ACVR1: variants seen among roughly 807,000 people sequenced by gnomAD.
ACVR1 encodes the protein activin receptor type-1.
ACVR1 carries 38 observed loss-of-function variants against 57.1 expected under a neutral mutation model. That is an observed-to-expected ratio of 0.67 (90% CI 0.51 to 0.87). The LOEUF (loss-of-function observed/expected upper bound fraction) is 0.87, where lower values mean the gene tolerates loss of function less well. Among genes scored for constraint, ACVR1 ranks in the 40% least tolerant of loss-of-function variants. ACVR1 has a pLI of 0.00. For missense variants in ACVR1, 463 were observed against 638.2 expected, an observed-to-expected ratio of 0.73 and a Z score of 2.96; for synonymous variants, 212 against 228.1, an observed-to-expected ratio of 0.93 and a Z score of 0.63.
At chr2:157,764,634 G>A (rs1322106406) in intron 8 of ACVR1, among the ~76,000 whole-genome samples, 1 of 152,158 alleles carries the variant, frequency 6.6e-6, no homozygotes, top group Admixed American at 6.5e-5. Flanking sequence ...GTCTCACTGA[G>A]TGAAAGCAGT....
At chr2:157,867,299 C>G (rs1165507807) in intron 1 of ACVR1, among the ~76,000 whole-genome samples, 1 of 152,234 alleles carries the variant, frequency 6.6e-6, no homozygotes, top group Non-Finnish European at 1.5e-5. Flanking sequence ...TCATTTCCTC[C>G]TGGCTTCTGG....
At chr2:157,853,337 C>G (rs1689390954) in intron 1 of ACVR1, among the ~76,000 whole-genome samples, 1 of 152,142 alleles carries the variant, frequency 6.6e-6, no homozygotes, top group Non-Finnish European at 1.5e-5. Context: ...ACAGGGGCAG[C>G]CTTCTTGCTG....
chr2:157,817,151 C>T (rs532712321), intron 2 of ACVR1, among the ~76,000 whole-genome samples: 50 of 151,916 alleles, frequency 3.3e-4, no homozygotes, highest in African/African-American at 1.2e-3. Flanking sequence ...TTTGTAGAGA[C>T]GGAGTCTCAC....
In ACVR1 at chr2:157,804,150, G is replaced by A. The variant is rs904092109; in HGVS notation, c.-7-4650C>T. Among the ~76,000 whole-genome samples the A allele has an allele frequency of 3.9e-5, 6 of 152,214 alleles. No homozygotes were observed. In the South Asian group the frequency reaches 8.3e-4, roughly 21 times the overall value. Reference sequence around the variant, plus strand: ...TGAAACCCCTGAGAAAGTCTCAGGCGCCTTTGGAGTTCTTGGACAACACTT... The same window carrying A: ...TGAAACCCCTGAGAAAGTCTCAGGCACCTTTGGAGTTCTTGGACAACACTT... On this transcript the variant is annotated intron_variant, in intron 2 of 10. Coordinates refer to ENST00000434821, the MANE Select transcript of ACVR1 (RefSeq NM_001111067.4).
intron 1 of ACVR1, among the ~76,000 whole-genome samples, chr2:157,867,475 T>C (rs1327043445): frequency 6.6e-6 from 1 of 152,114 alleles, no homozygotes; most frequent in Non-Finnish European, 1.5e-5. Context: ...CCTCAGTGTC[T>C]GGGAGAAAAC....
chr2:157,766,780 A>G (rs1049378940), intron 7 of ACVR1, among the ~76,000 whole-genome samples: 2 of 152,262 alleles, frequency 1.3e-5, no homozygotes, highest in Non-Finnish European at 2.9e-5. Flanking sequence ...TCAGTCACAC[A>G]CAGAAAAACC....
intron 9 of ACVR1, among the ~76,000 whole-genome samples, chr2:157,747,875 G>T (rs953338024): frequency 6.6e-6 from 1 of 151,968 alleles, no homozygotes; most frequent in Admixed American, 6.6e-5. Flanking sequence ...AAATGAGACA[G>T]GAGATACCCT....
chr2:157,816,859 C>T (rs1687956872), intron 2 of ACVR1, among the ~76,000 whole-genome samples: 1 of 152,160 alleles, frequency 6.6e-6, no homozygotes, highest in Admixed American at 6.5e-5. Flanking sequence ...GCACTTCAGG[C>T]TTCCCCTCAC....
chr2:157,737,296 T>C lies in ACVR1; in HGVS notation c.*235A>G. 1.7e-6 allele frequency: 1 copy of C among 586,778 alleles called. No homozygotes were observed. Among genetic ancestry groups the C allele is most frequent in the Non-Finnish European group, 3.1e-6 (1 of 326,196 alleles). 36.3% of individuals were successfully genotyped at this position (586,778 alleles called of 1,614,324 possible). The stretch of plus-strand genomic sequence containing the variant: ...CTTTGCAACAGTGTCTGTCCAACAT[T>C]AGTCTCTGCAGTGTGAACAGTTCGT... On this transcript the variant is annotated 3_prime_UTR_variant, in exon 11 of 11. Coordinates refer to ENST00000434821, the MANE Select transcript of ACVR1 (RefSeq NM_001111067.4).
At position 157,780,462 on chromosome 2, in the gene ACVR1, C is replaced by G; in HGVS notation, c.206G>C (p.Gly69Ala). Residue 69 changes from glycine to alanine, a missense_variant, in exon 4 of 11, where the codon GGC becomes GCC. Gly to Ala is a moderately conservative substitution (Grantham distance 60). Coordinates refer to ENST00000434821, the MANE Select transcript of ACVR1 (RefSeq NM_001111067.4). ...INDGFHVYQK[G>A]CFQVYEQGKM... ...TCCCTGCTCATAAACCTGGAAGCAGCCTTTCTGGTAGACGTGGAAGCCATC... is the reference window on the plus strand; with the variant it reads ...TCCCTGCTCATAAACCTGGAAGCAGGCTTTCTGGTAGACGTGGAAGCCATC... 6.2e-7 allele frequency: 1 copy of G among 1,614,092 alleles called. No individual in the cohort carries two copies. Among genetic ancestry groups the G allele is most frequent in the Non-Finnish European group, 8.5e-7 (1 of 1,180,006 alleles).
chr2:157,737,468 CA>C lies in ACVR1; in HGVS notation c.*62del. ...CCATTCTGACAACCAGTCAGGCCAG[CA>C]TTAGGTCCCAGCTGGACAATGACAA... On this transcript the variant is annotated 3_prime_UTR_variant, in exon 11 of 11. Coordinates refer to ENST00000434821, the MANE Select transcript of ACVR1 (RefSeq NM_001111067.4). The C allele has an allele frequency of 6.3e-7, 1 of 1,596,300 alleles. No individual in the cohort carries two copies. Among genetic ancestry groups the C allele is most frequent in the South Asian group, 1.1e-5 (1 of 89,734 alleles).
chr2:157,825,427 C>G (rs1688309665), intron 1 of ACVR1, among the ~76,000 whole-genome samples: 2 of 152,186 alleles, frequency 1.3e-5, no homozygotes, highest in Non-Finnish European at 2.9e-5. Flanking sequence ...AACCCCCAGG[C>G]TGTGGACGGG....
rs1414084199 is a variant in ACVR1 at position 157,793,862 on chromosome 2, C to T, written c.67+5565G>A. Among the ~76,000 whole-genome samples, 3 of 152,160 alleles carry T rather than the reference C, an allele frequency of 2.0e-5. No individual in the cohort carries two copies. The East Asian group carries it at 5.8e-4, about 29-fold the overall frequency. On this transcript the variant is annotated intron_variant, in intron 3 of 10. Coordinates refer to ENST00000434821, the MANE Select transcript of ACVR1 (RefSeq NM_001111067.4). ...AAAGTCCATTGAAGTTATCTCCTTC[C>T]TTCCATCATTGGGTAGTGGGGCTGG...
At chr2:157,742,247 A>G (rs1684803215) in intron 9 of ACVR1, among the ~76,000 whole-genome samples, 2 of 152,252 alleles carry the variant, frequency 1.3e-5, no homozygotes, top group Non-Finnish European at 2.9e-5. Context: ...CCAAGAAGTT[A>G]CTGCCAAATC....
At chr2:157,752,050 AT>A (rs1286395031) in intron 9 of ACVR1, among the ~76,000 whole-genome samples, 1 of 152,150 alleles carries the variant, frequency 6.6e-6, no homozygotes, top group African/African-American at 2.4e-5. Flanking sequence ...CACAGAGTCC[AT>A]TTCATTCCCC....
In ACVR1 at chr2:157,855,312, A is replaced by G. The variant is rs1387742923; in HGVS notation, c.-183+20484T>C. On this transcript the variant is annotated intron_variant, in intron 1 of 10. Coordinates refer to ENST00000434821, the MANE Select transcript of ACVR1 (RefSeq NM_001111067.4). Reference sequence around the variant, plus strand: ...TGTGTGTGTGTGTGTGTGTGTGTATATATATATATATACACACACACACAC... The same window carrying G: ...TGTGTGTGTGTGTGTGTGTGTGTATGTATATATATATACACACACACACAC... 6.1e-3 allele frequency among the ~76,000 whole-genome samples: 366 copies of G among 59,870 alleles called. 2 individuals carry two copies. Among genetic ancestry groups the G allele is most frequent in the East Asian group, 0.014 (31 of 2,264 alleles). 39.3% of individuals were successfully genotyped at this position (59,870 alleles called of 152,430 possible). A position where few individuals can be genotyped will look rare whatever the true frequency, so the allele number is the denominator to read the frequency against.
rs1172500134 is a variant in ACVR1, at chr2:157,842,328, T to C, written c.-182-23769A>G. ...CAAGCCAGAAATAAACTGCATAAAG[T>C]ACAGAGTACAGAAAGCGTTCTGAAC... On this transcript the variant is annotated intron_variant, in intron 1 of 10. Transcript: ENST00000434821. Among the ~76,000 whole-genome samples the C allele has an allele frequency of 1.2e-4, 19 of 152,290 alleles. 1 individual carries two copies. In the East Asian group the frequency reaches 3.7e-3, roughly 29 times the overall value.
chr2:157,823,504 A>T (rs1688227066), intron 1 of ACVR1, among the ~76,000 whole-genome samples: 1 of 152,176 alleles, frequency 6.6e-6, no homozygotes, highest in South Asian at 2.1e-4. Context: ...AATCTCCAAG[A>T]TGTTTTAAGG....
intron 2 of ACVR1, among the ~76,000 whole-genome samples, chr2:157,814,909 C>A (rs1385864778): frequency 1.3e-5 from 2 of 152,122 alleles, no homozygotes. Context: ...CACGGTGAAA[C>A]CCTGTCTCTA....
Sources: allele counts gnomAD v4.1 joint callset (sites outside exome capture counted in the v4.1 genomes callset), GRCh38; gene constraint gnomAD v4.1.1; transcripts MANE v1.5; gene names NCBI Gene and HGNC (gene_info 2026-07-23, HGNC 2026-07-21).